Variants in BRAP observed in about 807,000 individuals in gnomAD.
The protein encoded by BRAP is BRCA1-associated protein.
BRAP carries 42 observed loss-of-function variants against 73.4 expected under a neutral mutation model. That is an observed-to-expected ratio of 0.57 (90% CI 0.45 to 0.74). BRAP has a LOEUF of 0.74. Ranked by LOEUF, BRAP falls within the 30% of genes least tolerant of loss-of-function variation. The pLI is 0.00. For missense variants in BRAP, 593 were observed against 751.4 expected (o/e 0.79, Z 2.46); for synonymous variants, 255 against 267.4 (o/e 0.95, Z 0.45).
intron 4 of BRAP, among the ~76,000 whole-genome samples, chr12:111,678,644 G>A (rs1418206773): frequency 2.0e-5 from 3 of 150,864 alleles, no homozygotes; most frequent in Non-Finnish European, 4.4e-5. Flanking sequence ...GCGACAGAGC[G>A]AGAATTCGTC....
intron 11 of BRAP, among the ~76,000 whole-genome samples, chr12:111,647,114 T>A (rs562884281): frequency 5.3e-5 from 8 of 152,090 alleles, no homozygotes; most frequent in Non-Finnish European, 7.4e-5. Flanking sequence ...TACAAAAAAA[T>A]TTTCAATTGG....
chr12:111,672,334 T>C (rs1036577483), intron 5 of BRAP, among the ~76,000 whole-genome samples: 1 of 152,170 alleles, frequency 6.6e-6, no homozygotes, highest in Non-Finnish European at 1.5e-5. Context: ...TTTTTTCTTT[T>C]TTTTTACGTT....
At chr12:111,670,473 A>G (rs1039250441) in intron 5 of BRAP, 1 of 243,606 alleles carries the variant, frequency 4.1e-6, no homozygotes, top group African/African-American at 2.3e-5. Flanking sequence ...CAAAGTAAAA[A>G]GACCTTCAGG....
chr12:111,681,583 CA>C (rs368877992), intron 3 of BRAP, 53 bp downstream of exon 3: 219,694 of 1,092,982 alleles, frequency 0.2, 79 homozygotes, highest in Middle Eastern at 0.23. Flanking sequence ...TAAAGCAAAG[CA>C]AAAAAAAAAA....
chr12:111,683,936 C>T (rs551585470), intron 1 of BRAP, among the ~76,000 whole-genome samples: 6 of 152,078 alleles, frequency 3.9e-5, no homozygotes, highest in Admixed American at 6.6e-5. Context: ...TTTAGTAACA[C>T]CTGATAAAAT....
Position 111,658,853 on chromosome 12 carries a change from AAG to A in BRAP, c.1112-10_1112-9del. ...GTCGATGAACATAGTTATCTACAGA[AAG>A]AGTCAACAAAAGTGTGTTTCTTTAG... On this transcript the variant is annotated splice_polypyrimidine_tract_variant and intron_variant, in intron 8 of 11. Coordinates refer to ENST00000419234, the MANE Select transcript of BRAP (RefSeq NM_006768.5). 6.3e-7 allele frequency: 1 copy of A among 1,584,444 alleles called. No homozygotes were observed. Among genetic ancestry groups the A allele is most frequent in the South Asian group, 1.1e-5 (1 of 89,738 alleles).
At chr12:111,673,897 T>C (rs541856640) in intron 4 of BRAP, among the ~76,000 whole-genome samples, 1 of 152,324 alleles carries the variant, frequency 6.6e-6, no homozygotes, top group South Asian at 2.1e-4. Context: ...CTAGCCTTAG[T>C]AGCAAGCAAT....
At chr12:111,658,656 A>G in intron 9 of BRAP, 80 bp downstream of exon 9, 1 of 1,152,552 alleles carries the variant, frequency 8.7e-7, no homozygotes, top group Non-Finnish European at 1.2e-6. Context: ...ATGTACATCC[A>G]GGTAAATGAC....
intron 5 of BRAP, 64 bp downstream of exon 5, chr12:111,672,597 T>G: frequency 7.0e-7 from 1 of 1,429,520 alleles, no homozygotes; most frequent in Non-Finnish European, 9.7e-7. Context: ...CACAGATACC[T>G]TAGCATTCAA....
intron 1 of BRAP, 73 bp from the exon 2 acceptor site, chr12:111,683,380 A>G: frequency 6.7e-7 from 1 of 1,486,110 alleles, no homozygotes; most frequent in Non-Finnish European, 9.1e-7. Context: ...CTCTATCATT[A>G]GGTTTTCCTT....
rs1371366736 is a variant in BRAP at position 111,679,321 on chromosome 12, CTTT to C, written c.460_462del (p.Lys154del). The C allele has an allele frequency of 6.5e-7, 1 of 1,542,976 alleles. No homozygotes were observed. The highest frequency in any genetic ancestry group is 8.8e-7 in the Non-Finnish European group (1 of 1,140,684). Reference sequence around the variant, plus strand: ...AGCATGGCACTGCGCCGCACATCTTCTTTTAAGGAGGTCATCTTACTAACAAAA... The same window carrying C: ...AGCATGGCACTGCGCCGCACATCTTCTAAGGAGGTCATCTTACTAACAAAA... On this transcript the variant is annotated inframe_deletion, in exon 4 of 12. Transcript: ENST00000419234.
rs759890176 is a variant in BRAP at position 111,644,274 on chromosome 12, C to A, written c.1704G>T (p.Ser568=). The A allele has an allele frequency of 6.2e-7, 1 of 1,614,122 alleles. No homozygotes were observed. Among genetic ancestry groups the A allele is most frequent in the Admixed American group, 1.7e-5 (1 of 60,014 alleles). ...QEGQINIAMA[S]ASSPASSGGS... The stretch of plus-strand genomic sequence containing the variant: ...CCCCCGAAGAGGCAGGGCTCGAGGC[C>A]GAGGCCATGGCGATGTTGATCTGTC... The change falls in exon 12 of 12, where the codon TCG becomes TCT. Residue 568 remains serine, a synonymous_variant. Coordinates refer to ENST00000419234, the MANE Select transcript of BRAP (RefSeq NM_006768.5).
intron 2 of BRAP, among the ~76,000 whole-genome samples, chr12:111,682,474 C>T (rs1297561845): frequency 2.1e-5 from 3 of 142,282 alleles, no homozygotes; most frequent in Admixed American, 1.5e-4. Flanking sequence ...GCACTCCCAC[C>T]TGGGGACAAA....
chr12:111,671,652 G>A (rs949219837), intron 5 of BRAP, among the ~76,000 whole-genome samples: 51 of 147,958 alleles, frequency 3.4e-4, no homozygotes, highest in Admixed American at 3.4e-3. Context: ...GAGCTGAGGA[G>A]TTCAAGAACA....
rs778423328 is a variant in BRAP at position 111,665,678 on chromosome 12, C to G, written c.857G>C (p.Ser286Thr). ...NGILTTLCNHSFHSQCLQRWD... is the reference protein window; with the variant it reads ...NGILTTLCNHTFHSQCLQRWD... ...GCGCTGTAGACACTGGCTGTGGAAG[C>G]TGTGGTTACATAACGTTGTGAGGAT... Residue 286 changes from serine (S) to threonine (T), a missense_variant, in exon 6 of 12, where the codon AGC (serine) becomes ACC (threonine). Coordinates refer to ENST00000419234, the MANE Select transcript of BRAP (RefSeq NM_006768.5). This position sits in a 1 kb window ranked among gnomAD's most constrained non-coding sequence, Gnocchi z 4.3. 1.2e-6 allele frequency: 2 copies of G among 1,614,074 alleles called. No individual in the cohort carries two copies. The highest frequency in any genetic ancestry group is 2.7e-5 in the African/African-American group (2 of 74,926).
Position 111,644,066 on chromosome 12 carries a change from G to C in BRAP, c.*133C>G. On this transcript the variant is annotated 3_prime_UTR_variant, in exon 12 of 12. Transcript: ENST00000419234. ...TTCACTACATCACACACTAGCAAAT[G>C]AAAGAGCCAAACAACTGTGGCTTGA... 7.4e-7 allele frequency: 1 copy of C among 1,344,098 alleles called. No homozygotes were observed. The highest frequency in any genetic ancestry group is 1.5e-5 in the African/African-American group (1 of 67,964). The allele number at this position is 1,344,098 out of a possible 1,614,324, so 83.3% of individuals were successfully genotyped here.
At chr12:111,655,144 C>T (rs570877796) in intron 10 of BRAP, among the ~76,000 whole-genome samples, 1 of 152,140 alleles carries the variant, frequency 6.6e-6, no homozygotes, top group South Asian at 2.1e-4. Context: ...AATGAAGTGC[C>T]AGTATCTCTG....
intron 3 of BRAP, among the ~76,000 whole-genome samples, chr12:111,679,875 T>C (rs1346826703): frequency 8.7e-5 from 2 of 22,932 alleles, no homozygotes; most frequent in African/African-American, 5.5e-4. Context: ...AGACTCCATC[T>C]CAAAAAAAAA....
At chr12:111,645,512 A>C (rs1323501050) in intron 11 of BRAP, among the ~76,000 whole-genome samples, 1 of 152,122 alleles carries the variant, frequency 6.6e-6, no homozygotes, top group East Asian at 1.9e-4. Flanking sequence ...GATAGCTGTG[A>C]TAAGGAAGTT....
Sources: allele counts gnomAD v4.1 joint callset (sites outside exome capture counted in the v4.1 genomes callset), GRCh38; gene constraint gnomAD v4.1.1; non-coding constraint Gnocchi (gnomAD v3.1); transcripts MANE v1.5; gene names NCBI Gene and HGNC (gene_info 2026-07-23, HGNC 2026-07-21).